Variants in RAP1A observed in about 807,000 individuals in gnomAD.
RAP1A encodes RAP1A, member of RAS oncogene family.
In RAP1A, 6 loss-of-function variants were observed where a neutral mutation model predicts 26.4. That is an observed-to-expected ratio of 0.23 (90% CI 0.12 to 0.45). The LOEUF (loss-of-function observed/expected upper bound fraction) is 0.45. RAP1A is among the 20% of genes least tolerant of loss of function. The pLI, the probability that RAP1A is intolerant of heterozygous loss-of-function variation, is 0.99. For missense variants in RAP1A, 121 were observed against 217.2 expected, an observed-to-expected ratio of 0.56 and a Z score of 2.78; for synonymous variants, 73 against 79.4, an observed-to-expected ratio of 0.92 and a Z score of 0.43.
At chr1:111,561,289 A>C (rs1366538886) in intron 1 of RAP1A, among the ~76,000 whole-genome samples, 1 of 151,938 alleles carries the variant, frequency 6.6e-6, no homozygotes, top group East Asian at 1.9e-4. Context: ...ACGCCTGGCT[A>C]ATTTTTGTAT....
chr1:111,692,158 G>C (rs1661690022), intron 2 of RAP1A, among the ~76,000 whole-genome samples: 1 of 152,158 alleles, frequency 6.6e-6, no homozygotes, highest in Non-Finnish European at 1.5e-5. Context: ...CTTGGTGCTA[G>C]ATTGATATGG....
intron 2 of RAP1A, among the ~76,000 whole-genome samples, chr1:111,691,797 T>G (rs1420193768): frequency 6.6e-6 from 1 of 152,200 alleles, no homozygotes; most frequent in Non-Finnish European, 1.5e-5. Context: ...GAAGGTCATT[T>G]TTTGTGTTCA....
chr1:111,590,934 T>C (rs1658460704), intron 1 of RAP1A, among the ~76,000 whole-genome samples: 1 of 152,238 alleles, frequency 6.6e-6, no homozygotes, highest in Non-Finnish European at 1.5e-5. Context: ...CCTTTTCTAT[T>C]ATCTGGAATA....
At chr1:111,641,603 TTCTC>T (rs933578590) in intron 1 of RAP1A, among the ~76,000 whole-genome samples, 1 of 152,060 alleles carries the variant, frequency 6.6e-6, no homozygotes, top group Non-Finnish European at 1.5e-5. Flanking sequence ...CTTCCTCAGT[TTCTC>T]TATCTTCTAG....
intron 4 of RAP1A, among the ~76,000 whole-genome samples, chr1:111,698,352 G>A (rs534098382): frequency 1.3e-5 from 2 of 152,154 alleles, no homozygotes; most frequent in Non-Finnish European, 2.9e-5. Context: ...ATAGTTCACC[G>A]CAGTCTCCTG....
chr1:111,566,133 T>C (rs1557852870), intron 1 of RAP1A, among the ~76,000 whole-genome samples: 1 of 152,036 alleles, frequency 6.6e-6, no homozygotes, highest in Non-Finnish European at 1.5e-5. Context: ...ATTGTGAGTA[T>C]AACAGGGAGC....
At chr1:111,586,896 A>G (rs1348913725) in intron 1 of RAP1A, among the ~76,000 whole-genome samples, 1 of 152,122 alleles carries the variant, frequency 6.6e-6, no homozygotes, top group Non-Finnish European at 1.5e-5. Flanking sequence ...ACCTTCACCT[A>G]AGACTCTGGA....
chr1:111,550,329 C>T (rs1180369293), intron 1 of RAP1A, among the ~76,000 whole-genome samples: 1 of 152,052 alleles, frequency 6.6e-6, no homozygotes, highest in African/African-American at 2.4e-5. Flanking sequence ...TTTTCATTTA[C>T]TTTCACTCTA....
At chr1:111,695,226 G>T in intron 2 of RAP1A, 115 bp from the exon 3 acceptor site, 3 of 675,032 alleles carry the variant, frequency 4.4e-6, no homozygotes, top group South Asian at 2.0e-5. Flanking sequence ...TTACATTTAC[G>T]TGTTTACCCA....
At chr1:111,685,573 G>A (rs1661444756) in intron 1 of RAP1A, among the ~76,000 whole-genome samples, 1 of 152,206 alleles carries the variant, frequency 6.6e-6, no homozygotes, top group South Asian at 2.1e-4. Flanking sequence ...ACCACAATGA[G>A]ATACCATCTC....
intron 1 of RAP1A, among the ~76,000 whole-genome samples, chr1:111,639,438 T>C (rs1215325402): frequency 6.6e-6 from 1 of 152,148 alleles, no homozygotes; most frequent in African/African-American, 2.4e-5. Flanking sequence ...GAAATGTGTT[T>C]AGTTTCTAAA....
intron 1 of RAP1A, among the ~76,000 whole-genome samples, chr1:111,584,607 T>C (rs867425736): frequency 7.2e-5 from 11 of 152,268 alleles, no homozygotes; most frequent in Middle Eastern, 3.4e-3. Context: ...CTCTAACATA[T>C]GCATGTGGGG....
intron 4 of RAP1A, among the ~76,000 whole-genome samples, chr1:111,698,355 G>A (rs139944614): frequency 2.8e-4 from 43 of 152,216 alleles, no homozygotes; most frequent in African/African-American, 1.0e-3. Context: ...GTTCACCGCA[G>A]TCTCCTGGGC....
At position 111,588,719 on chromosome 1, in the gene RAP1A, T is replaced by C. The variant is rs893650574; in HGVS notation, c.-28+46210T>C. On this transcript the variant is annotated intron_variant, in intron 1 of 7. Coordinates refer to the RAP1A transcript ENST00000356415. ...CCCTAGGAAGCTTTAACTACTTCAA[T>C]TGGGAGCCTCTCTTCCATTCTAGAA... Among the ~76,000 whole-genome samples the C allele has an allele frequency of 5.3e-5, 8 of 152,320 alleles. No homozygotes were observed. In the East Asian group the frequency reaches 7.7e-4, roughly 15 times the overall value.
At chr1:111,604,946 A>T (rs1658741915) in intron 1 of RAP1A, among the ~76,000 whole-genome samples, 1 of 152,166 alleles carries the variant, frequency 6.6e-6, no homozygotes, top group African/African-American at 2.4e-5. Context: ...GGAGAGGAAG[A>T]TCTACCACCA....
At chr1:111,712,168 T>C (rs1571581177) in intron 7 of RAP1A, among the ~76,000 whole-genome samples, 1 of 152,120 alleles carries the variant, frequency 6.6e-6, no homozygotes, top group South Asian at 2.1e-4. Context: ...TAATTGAGTA[T>C]AACTAAGTAT....
At chr1:111,663,280 C>T (rs890127331) in intron 1 of RAP1A, among the ~76,000 whole-genome samples, 1 of 152,280 alleles carries the variant, frequency 6.6e-6, no homozygotes, top group East Asian at 1.9e-4. Flanking sequence ...CCCTCACTTC[C>T]CCCAGTGTAT....
chr1:111,570,026 C>G (rs140785043), intron 1 of RAP1A, among the ~76,000 whole-genome samples: 1 of 152,222 alleles, frequency 6.6e-6, no homozygotes, highest in African/African-American at 2.4e-5. Context: ...TATGTCCTGA[C>G]TGTGTAGAGA....
chr1:111,694,573 A>G (rs1265792584), intron 2 of RAP1A, among the ~76,000 whole-genome samples: 1 of 152,206 alleles, frequency 6.6e-6, no homozygotes, highest in Non-Finnish European at 1.5e-5. Context: ...ATGCCTTTAA[A>G]AGTTGATAAT....
Sources: gnomAD v4.1 joint callset for allele counts (sites outside exome capture counted in the v4.1 genomes callset) on GRCh38, gnomAD v4.1.1 for gene constraint, MANE v1.5 for transcripts, NCBI Gene and HGNC (gene_info 2026-07-23, HGNC 2026-07-21) for gene names.